Variants in PKN3 observed in about 807,000 individuals in gnomAD.
PKN3 encodes protein kinase N3, also known as serine/threonine-protein kinase N3.
PKN3 carries 91 observed loss-of-function variants against 113.1 expected under a neutral mutation model. The observed-to-expected ratio is 0.80, with a 90% CI of 0.68 to 0.96. The LOEUF (loss-of-function observed/expected upper bound fraction) is 0.96. Among genes scored for constraint, PKN3 ranks in the 40% least tolerant of loss-of-function variants. PKN3 has a pLI of 0.00. For missense variants in PKN3, 1,052 were observed against 1,202.2 expected (o/e 0.88, Z 1.85); for synonymous variants, 467 against 499.0 (o/e 0.94, Z 0.85).
In PKN3 at chr9:128,718,325, C is replaced by T. The variant is rs553289775; in HGVS notation, c.1986C>T (p.Arg662=). The T allele has an allele frequency of 7.1e-5, 115 of 1,613,054 alleles. 1 individual carries two copies. In the East Asian group the frequency reaches 1.7e-3, roughly 23 times the overall value. ...HEDVFPEPQA[R]FYVACVVLGL... The stretch of plus-strand genomic sequence containing the variant: ...AGTTCTCCCATAACCACCCCTGCAG[C>T]TTCTACGTGGCTTGTGTTGTCCTGG... The change falls in exon 17 of 22, where the codon CGC becomes CGT. Residue 662 remains arginine, a splice_region_variant and synonymous_variant. Coordinates refer to ENST00000291906, the MANE Select transcript of PKN3 (RefSeq NM_013355.5).
chr9:128,713,461 T>C (rs1391650844), intron 8 of PKN3, 38 bp from the exon 9 acceptor site: 2 of 1,613,520 alleles, frequency 1.2e-6, no homozygotes, highest in Non-Finnish European at 1.7e-6. Context: ...CGGGGCTCGT[T>C]CTGCACCCCA....
In PKN3 at chr9:128,707,406, G is replaced by A; in HGVS notation, c.835+1G>A. ...CCTGTGAAGCCCACCGCCCTAACAG[G>A]TAGTCAGAAGTTCCTCCCCCTTCAA... On this transcript the variant is annotated splice_donor_variant, in intron 6 of 21. Coordinates refer to ENST00000291906, the MANE Select transcript of PKN3 (RefSeq NM_013355.5). LOFTEE classifies it high-confidence loss of function. The A allele has an allele frequency of 6.3e-7, 1 of 1,593,960 alleles. No homozygotes were observed. Among genetic ancestry groups the A allele is most frequent in the Non-Finnish European group, 8.6e-7 (1 of 1,167,792 alleles).
At position 128,706,992 on chromosome 9, in the gene PKN3, G is replaced by T. The variant is rs560984157; in HGVS notation, c.620G>T (p.Arg207Leu). The T allele has an allele frequency of 2.6e-5, 42 of 1,614,078 alleles. 1 individual carries two copies. The South Asian group carries it at 4.3e-4, about 16-fold the overall frequency. The change falls in exon 5 of 22, where the codon CGG becomes CTG. Residue 207 changes from arginine to leucine, a missense_variant. Around this residue, in one of 2 missense-constraint regions of PKN3, gnomAD observed 719 missense variants for 759.4 expected, o/e 0.95. Coordinates refer to ENST00000291906, the MANE Select transcript of PKN3 (RefSeq NM_013355.5). ...AKNVVKLLSSRRTQDRKALAE... is the reference protein window; with the variant it reads ...AKNVVKLLSSLRTQDRKALAE... ...AACGTGGTGAAACTGCTTAGTAGCCGGAGAACACAGGACCGCAAGGCACTG... is the reference window on the plus strand; with the variant it reads ...AACGTGGTGAAACTGCTTAGTAGCCTGAGAACACAGGACCGCAAGGCACTG...
At chr9:128,703,412 G>A (rs1334684896) in intron 1 of PKN3, 50 of 985,264 alleles carry the variant, frequency 5.1e-5, no homozygotes, top group Non-Finnish European at 5.9e-5. Context: ...CAGGAGGCAC[G>A]AGGGGAGCGT....
chr9:128,705,592 C>CTGGCCCCTGGCCT, intron 2 of PKN3, 49 bp downstream of exon 2: 1 of 1,546,192 alleles, frequency 6.5e-7, no homozygotes, highest in East Asian at 2.4e-5. Flanking sequence ...CTAGGCCCAT[C>CTGGCCCCTGGCCT]TGGCCCCTGG....
chr9:128,713,378 A>G lies in PKN3; in HGVS notation c.1083A>G (p.Pro361=), dbSNP rs748668685. ...EQSWDQTFVI[P]LERARELEIG... is the part of the protein sequence containing the mutation. ...CCTGGGACCAGACCTTTGTCATCCC[A>G]CTGGAGCGAGTAAGGCTGGCCTTTG... Residue 361 remains proline, a synonymous_variant, in exon 8 of 22, where the codon CCA becomes CCG. Transcript: ENST00000291906. The G allele has an allele frequency of 8.7e-6, 14 of 1,613,996 alleles. No individual in the cohort carries two copies. Among genetic ancestry groups the G allele is most frequent in the Non-Finnish European group, 1.1e-5 (13 of 1,179,970 alleles).
At position 128,713,757 on chromosome 9, in the gene PKN3, G is replaced by C. The variant is rs983736228; in HGVS notation, c.1236+115G>C. The C allele has an allele frequency of 6.9e-5, 77 of 1,123,720 alleles. No homozygotes were observed. The African/African-American group carries it at 1.1e-3, about 17-fold the overall frequency. The allele number at this position is 1,123,720 out of a possible 1,614,324, so 69.6% of individuals were successfully genotyped here. On this transcript the variant is annotated intron_variant, in intron 9 of 21. Transcript: ENST00000291906. ...CAGAGACTGACGACCAGAGAGGAGG[G>C]CTCCAGGAATAAGGGCTCCTAGCCG... is the stretch of plus-strand genomic sequence containing the variant.
chr9:128,707,217 T>A lies in PKN3; in HGVS notation c.652-5T>A. The A allele has an allele frequency of 6.2e-7, 1 of 1,600,872 alleles. No individual in the cohort carries two copies. Among genetic ancestry groups the A allele is most frequent in the Non-Finnish European group, 8.5e-7 (1 of 1,170,498 alleles). ...GAACCTGGCTCTACGTTGTCCCCTC[T>A]GCAGGCCCAGGCCCAGCTACAGGAG... On this transcript the variant is annotated splice_region_variant and splice_polypyrimidine_tract_variant and intron_variant, in intron 5 of 21. Coordinates refer to ENST00000291906, the MANE Select transcript of PKN3 (RefSeq NM_013355.5).
Position 128,706,825 on chromosome 9 carries a change from G to T in PKN3, c.523+1G>T, listed in dbSNP as rs775216120. 6.8e-6 allele frequency: 11 copies of T among 1,611,494 alleles called. No homozygotes were observed. The highest frequency in any genetic ancestry group is 1.7e-6 in the Non-Finnish European group (2 of 1,178,170). Reference sequence around the variant, plus strand: ...GAGGCCAGTGGGTCCCCGGAGCCAGGTGAGGCCTTGAGACACAGGGAGGGC... The same window carrying T: ...GAGGCCAGTGGGTCCCCGGAGCCAGTTGAGGCCTTGAGACACAGGGAGGGC... On this transcript the variant is annotated splice_donor_variant, in intron 4 of 21. Transcript: ENST00000291906. LOFTEE classifies it high-confidence loss of function.
Position 128,719,944 on chromosome 9 carries a change from TTGAC to T in PKN3, c.2306_2309del (p.Asp769AlafsTer90). On this transcript the variant is annotated frameshift_variant, in exon 20 of 22. Coordinates refer to ENST00000291906, the MANE Select transcript of PKN3 (RefSeq NM_013355.5). LOFTEE classifies it high-confidence loss of function. The stretch of plus-strand genomic sequence containing the variant: ...CCAGGGGACACAGAGGAAGAGGTGT[TTGAC>T]TGCATCGTCAACATGGACGCCCCCT... 1 of 1,614,144 alleles carries T rather than the reference TTGAC, an allele frequency of 6.2e-7. No homozygotes were observed. Among genetic ancestry groups the T allele is most frequent in the Non-Finnish European group, 8.5e-7 (1 of 1,180,012 alleles).
intron 16 of PKN3, among the ~76,000 whole-genome samples, 194 bp downstream of exon 16, chr9:128,717,117 C>CTTTTTTTGTTTTTTTT: frequency 4.1e-5 from 1 of 24,364 alleles, no homozygotes; most frequent in Non-Finnish European, 8.1e-5. Flanking sequence ...CATTAGGTTT[C>CTTTTTTTGTTTTTTTT]TTTTTTTTTT....
rs754968087 is a variant in PKN3, at chr9:128,720,565, C to G, written c.2629C>G (p.Arg877Gly). 1.2e-6 allele frequency: 2 copies of G among 1,613,458 alleles called. No homozygotes were observed. The highest frequency in any genetic ancestry group is 1.7e-6 in the Non-Finnish European group (2 of 1,179,986). Residue 877 changes from arginine (R) to glycine (G), a missense_variant, in exon 22 of 22, where the codon CGG becomes GGG. Transcript: ENST00000291906. This position sits in a 1 kb window ranked among gnomAD's most constrained non-coding sequence, Gnocchi z 5.5. Reference sequence around the variant, plus strand: ...CACTGCCCGCCAACAGGCCGCCTTCCGGGACTTCGACTTTGTGTCAGAGCG... The same window carrying G: ...CACTGCCCGCCAACAGGCCGCCTTCGGGGACTTCGACTTTGTGTCAGAGCG... ...LLTARQQAAF[R>G]DFDFVSERFL...
At position 128,713,488 on chromosome 9, in the gene PKN3, C is replaced by T. The variant is rs1173489424; in HGVS notation, c.1093-11C>T. 1.9e-6 allele frequency: 3 copies of T among 1,614,010 alleles called. No individual in the cohort carries two copies. The highest frequency in any genetic ancestry group is 2.5e-6 in the Non-Finnish European group (3 of 1,179,984). On this transcript the variant is annotated splice_polypyrimidine_tract_variant and intron_variant, in intron 8 of 21. Coordinates refer to ENST00000291906, the MANE Select transcript of PKN3 (RefSeq NM_013355.5). ...TGCACCCCACCCTTCAGCCTGGCCT[C>T]CCCAATACAGGCCCGTGAGCTGGAG... is the stretch of plus-strand genomic sequence containing the variant.
chr9:128,709,008 G>A (rs988445684), intron 6 of PKN3, among the ~76,000 whole-genome samples: 19 of 151,950 alleles, frequency 1.3e-4, no homozygotes, highest in African/African-American at 2.7e-4. Context: ...AAAAATCGCC[G>A]GGCGCGGTGG....
intron 1 of PKN3, 24 bp from the exon 2 acceptor site, chr9:128,705,279 C>A: frequency 6.5e-7 from 1 of 1,549,186 alleles, no homozygotes; most frequent in South Asian, 1.2e-5. Flanking sequence ...GTTCTCCACC[C>A]TCTGCTTTCC....
chr9:128,718,330 A>G lies in PKN3; in HGVS notation c.1991A>G (p.Tyr664Cys), dbSNP rs763767828. Reference sequence around the variant, plus strand: ...TCCCATAACCACCCCTGCAGCTTCTACGTGGCTTGTGTTGTCCTGGGGCTG... The same window carrying G: ...TCCCATAACCACCCCTGCAGCTTCTGCGTGGCTTGTGTTGTCCTGGGGCTG... ...DVFPEPQARF[Y>C]VACVVLGLQF... The change falls in exon 17 of 22, where the codon TAC (tyrosine) becomes TGC (cysteine). Residue 664 changes from tyrosine (Y) to cysteine (C), a missense_variant. Tyr to Cys is a radical substitution (Grantham distance 194, BLOSUM62 -2). Coordinates refer to ENST00000291906, the MANE Select transcript of PKN3 (RefSeq NM_013355.5). 7.4e-5 allele frequency: 120 copies of G among 1,612,886 alleles called. No individual in the cohort carries two copies. In the East Asian group the frequency reaches 2.4e-3, roughly 32 times the overall value.
rs772856747 is a variant in PKN3, at chr9:128,705,774, C to T, written c.306C>T (p.Leu102=). 2 of 1,608,290 alleles carry T rather than the reference C, an allele frequency of 1.2e-6. No individual in the cohort carries two copies. Among genetic ancestry groups the T allele is most frequent in the Non-Finnish European group, 1.7e-6 (2 of 1,177,632 alleles). The change falls in exon 3 of 22, where the codon CTC becomes CTT. Residue 102 remains leucine (L), a synonymous_variant. Transcript: ENST00000291906. ...GACCCCGGCCGTGGGCAGAGCAGCT[C>T]AGGGCTCGGCACCTAGAGGCTCTCC... is the stretch of plus-strand genomic sequence containing the variant. ...ASGPRPWAEQ[L]RARHLEALRR...
At position 128,706,701 on chromosome 9, in the gene PKN3, A is replaced by G; in HGVS notation, c.412-12A>G. ...AGGCCTGGTCTGATGGGCCTGTGCT[A>G]TGGCTCCATAGGAGAGGAAGCTCCT... On this transcript the variant is annotated splice_polypyrimidine_tract_variant and intron_variant, in intron 3 of 21. Coordinates refer to ENST00000291906, the MANE Select transcript of PKN3 (RefSeq NM_013355.5). 1 of 1,537,410 alleles carries G rather than the reference A, an allele frequency of 6.5e-7. No individual in the cohort carries two copies. Among genetic ancestry groups the G allele is most frequent in the Non-Finnish European group, 8.8e-7 (1 of 1,139,162 alleles).
At chr9:128,717,593 T>G (rs1862381767) in intron 16 of PKN3, among the ~76,000 whole-genome samples, 1 of 149,496 alleles carries the variant, frequency 6.7e-6, no homozygotes, top group Non-Finnish European at 1.5e-5. Context: ...CTAGGCATGG[T>G]GGCACACGCC....
Sources: gnomAD v4.1 joint callset for allele counts (sites outside exome capture counted in the v4.1 genomes callset) on GRCh38, gnomAD v4.1.1 for gene constraint, gnomAD v4.1.1 regional missense constraint, Gnocchi (gnomAD v3.1) non-coding constraint, MANE v1.5 for transcripts, NCBI Gene and HGNC (gene_info 2026-07-23, HGNC 2026-07-21) for gene names.